FOXP2: variants seen among roughly 807,000 people sequenced by gnomAD.
The protein encoded by FOXP2 is forkhead box protein P2.
Under a neutral mutation model 115.8 loss-of-function variants are expected in FOXP2, and 12 were observed. That is an observed-to-expected ratio of 0.10 (90% CI 0.07 to 0.17). FOXP2 has a LOEUF of 0.17. FOXP2 is among the 10% of genes least tolerant of loss of function. FOXP2 has a pLI of 1.00. For missense variants in FOXP2, 629 were observed against 843.5 expected (o/e 0.75, Z 3.15); for synonymous variants, 328 against 297.7 (o/e 1.10, Z -1.05).
chr7:114,248,263 C>G lies in FOXP2; in HGVS notation c.-101-39756C>G, dbSNP rs1795343194. On this transcript the variant is annotated intron_variant, in intron 1 of 17. Transcript: ENST00000634411. ...TTGTTCAGCTATTTATTCTATTCAG[C>G]CTTTAATGGATTAGATAAGGCACAT... Among the ~76,000 whole-genome samples, 3 of 151,480 alleles carry G rather than the reference C, an allele frequency of 2.0e-5. No individual in the cohort carries two copies. The South Asian group carries it at 6.3e-4, about 32-fold the overall frequency.
intron 2 of FOXP2, among the ~76,000 whole-genome samples, chr7:114,316,641 C>T (rs1232054962): frequency 6.6e-6 from 1 of 151,876 alleles, no homozygotes; most frequent in Non-Finnish European, 1.5e-5. Flanking sequence ...GGAGTGAGCC[C>T]TGTAGATATG....
At chr7:114,371,237 T>C (rs1207672038) in intron 2 of FOXP2, among the ~76,000 whole-genome samples, 1 of 147,702 alleles carries the variant, frequency 6.8e-6, no homozygotes, top group Admixed American at 7.0e-5. Context: ...CATGCCACCA[T>C]GTCCAGCTAA....
At chr7:114,461,935 C>T (rs1795575505) in intron 2 of FOXP2, among the ~76,000 whole-genome samples, 1 of 152,032 alleles carries the variant, frequency 6.6e-6, no homozygotes, top group Non-Finnish European at 1.5e-5. Flanking sequence ...AATGTATGAG[C>T]TACTCAGATG....
chr7:114,480,316 A>G (rs1007315494), intron 2 of FOXP2, among the ~76,000 whole-genome samples: 2 of 151,664 alleles, frequency 1.3e-5, no homozygotes, highest in Admixed American at 1.3e-4. Flanking sequence ...ACATTTTTAA[A>G]GAGTTAAAGT....
chr7:114,145,733 A>G (rs1421675979), intron 1 of FOXP2, among the ~76,000 whole-genome samples: 1 of 152,132 alleles, frequency 6.6e-6, no homozygotes, highest in Non-Finnish European at 1.5e-5. Flanking sequence ...AGAATGGGTA[A>G]TAACTGCAGA....
At chr7:114,382,116 A>T (rs1792320783) in intron 2 of FOXP2, among the ~76,000 whole-genome samples, 1 of 152,176 alleles carries the variant, frequency 6.6e-6, no homozygotes, top group African/African-American at 2.4e-5. Flanking sequence ...TTCCCCAGTC[A>T]CAACTTAGTG....
intron 1 of FOXP2, among the ~76,000 whole-genome samples, chr7:114,224,252 G>C (rs1345661382): frequency 6.6e-6 from 1 of 152,018 alleles, no homozygotes; most frequent in Non-Finnish European, 1.5e-5. Flanking sequence ...GCTATTCCAA[G>C]GCTGTTGCTT....
intron 2 of FOXP2, among the ~76,000 whole-genome samples, chr7:114,343,249 GT>G (rs2129184598): frequency 6.6e-6 from 1 of 151,650 alleles, no homozygotes; most frequent in African/African-American, 2.4e-5. Context: ...CCACTCCTGT[GT>G]TGTTGATGTA....
chr7:114,529,837 A>G (rs1194953943), intron 2 of FOXP2, among the ~76,000 whole-genome samples: 1 of 151,868 alleles, frequency 6.6e-6, no homozygotes, highest in Non-Finnish European at 1.5e-5. Context: ...TATTCTCTTT[A>G]GTGGGAACAT....
rs1236343176 is a variant in FOXP2 at position 114,689,903 on chromosome 7, C to A, written c.2125C>A (p.Pro709Thr). ...LEDDREIEEE[P>T]LSEDLE ...AGACGACAGAGAGATTGAAGAAGAG[C>A]CTTTATCTGAAGATCTGGAATGAGA... The change falls in exon 17 of 17, where the codon CCT becomes ACT. Residue 709 changes from proline (P) to threonine (T), a missense_variant. Around this residue, in one of 9 missense-constraint regions of FOXP2, gnomAD observed 117 missense variants for 112.3 expected, o/e 1.04. Transcript: ENST00000350908. 1.2e-6 allele frequency: 2 copies of A among 1,613,132 alleles called. No individual in the cohort carries two copies. Among genetic ancestry groups the A allele is most frequent in the Admixed American group, 3.3e-5 (2 of 59,924 alleles).
chr7:114,261,481 A>G (rs1226428071), intron 1 of FOXP2, among the ~76,000 whole-genome samples: 2 of 152,138 alleles, frequency 1.3e-5, no homozygotes, highest in Admixed American at 6.5e-5. Flanking sequence ...AAGTACGAGG[A>G]TTTTAAACAT....
chr7:114,503,999 A>G (rs1253365068), intron 2 of FOXP2, among the ~76,000 whole-genome samples: 1 of 151,738 alleles, frequency 6.6e-6, no homozygotes, highest in Non-Finnish European at 1.5e-5. Context: ...AATACAACTT[A>G]TGGAAGTTCA....
intron 1 of FOXP2, among the ~76,000 whole-genome samples, chr7:114,107,167 T>G (rs1438473698): frequency 6.6e-6 from 1 of 151,964 alleles, no homozygotes; most frequent in Non-Finnish European, 1.5e-5. Context: ...ATCTGGGAAT[T>G]TTACTCTTAA....
intron 1 of FOXP2, among the ~76,000 whole-genome samples, chr7:114,250,022 AC>A: frequency 7.2e-6 from 1 of 138,122 alleles, no homozygotes; most frequent in South Asian, 2.3e-4. Flanking sequence ...TTGTTCAATT[AC>A]CACCTAAGAG....
At chr7:114,425,419 A>C (rs1037081253) in intron 1 of FOXP2, among the ~76,000 whole-genome samples, 1 of 151,554 alleles carries the variant, frequency 6.6e-6, no homozygotes, top group Non-Finnish European at 1.5e-5. Flanking sequence ...TTGAGAGCCA[A>C]AAATGATCTT....
chr7:114,170,369 A>G (rs1793106044), intron 1 of FOXP2, among the ~76,000 whole-genome samples: 1 of 152,198 alleles, frequency 6.6e-6, no homozygotes, highest in South Asian at 2.1e-4. Flanking sequence ...GAAATTGGCC[A>G]AGTAATAAAC....
At chr7:114,246,522 A>G (rs1466584962) in intron 1 of FOXP2, among the ~76,000 whole-genome samples, 2 of 152,158 alleles carry the variant, frequency 1.3e-5, no homozygotes, top group Non-Finnish European at 2.9e-5. Flanking sequence ...GTTTCTCACT[A>G]CAAACTTAGA....
chr7:114,272,564 A>T (rs926455322), intron 1 of FOXP2, among the ~76,000 whole-genome samples: 1 of 151,768 alleles, frequency 6.6e-6, no homozygotes, highest in African/African-American at 2.4e-5. Flanking sequence ...TTTAATAGAC[A>T]TAGGCCTATT....
intron 1 of FOXP2, among the ~76,000 whole-genome samples, chr7:114,175,780 T>A (rs1171889060): frequency 2.6e-5 from 4 of 152,220 alleles, no homozygotes; most frequent in Admixed American, 2.6e-4. Flanking sequence ...TTGAAAATTA[T>A]GTTAACGATT....
Sources: gnomAD v4.1 joint callset for allele counts (sites outside exome capture counted in the v4.1 genomes callset) on GRCh38, gnomAD v4.1.1 for gene constraint, gnomAD v4.1.1 regional missense constraint, MANE v1.5 for transcripts, NCBI Gene and HGNC (gene_info 2026-07-23, HGNC 2026-07-21) for gene names.